Variants in FAM171B observed in about 807,000 individuals in gnomAD.
The protein encoded by FAM171B is protein FAM171B.
A neutral mutation model predicts 75.6 loss-of-function variants in FAM171B; 19 were observed. That is an observed-to-expected ratio of 0.25 (90% CI 0.18 to 0.37). The LOEUF is 0.37. Among genes scored for constraint, FAM171B ranks in the 10% least tolerant of loss-of-function variants. The pLI, the probability that FAM171B is intolerant of heterozygous loss-of-function variation, is 1.00. For synonymous variants in FAM171B, 367 were observed against 361.7 expected (o/e 1.01, Z -0.17); for missense variants, 848 against 982.4 (o/e 0.86, Z 1.83).
intron 1 of FAM171B, among the ~76,000 whole-genome samples, chr2:186,732,154 A>G (rs1690126753): frequency 7.8e-6 from 1 of 127,580 alleles, no homozygotes; most frequent in Non-Finnish European, 1.6e-5. Flanking sequence ...GCACTGATAT[A>G]TCTTACTATT....
At chr2:186,727,894 T>G (rs1690058959) in intron 1 of FAM171B, among the ~76,000 whole-genome samples, 1 of 152,146 alleles carries the variant, frequency 6.6e-6, no homozygotes, top group Admixed American at 6.5e-5. Context: ...TATATAGATA[T>G]AGTTTACAGG....
rs374275210 is a variant in FAM171B, at chr2:186,719,943, G to T, written c.239-20285G>T. On this transcript the variant is annotated intron_variant, in intron 1 of 7. Transcript: ENST00000304698. ...AGAAAATAGTTAATAATAACCCATAGAATTTTCTTAAATAAGAAACAAGAT... is the reference window on the plus strand; with the variant it reads ...AGAAAATAGTTAATAATAACCCATATAATTTTCTTAAATAAGAAACAAGAT... 7.9e-5 allele frequency among the ~76,000 whole-genome samples: 12 copies of T among 152,296 alleles called. No individual in the cohort carries two copies. The East Asian group carries it at 2.3e-3, about 29-fold the overall frequency.
chr2:186,698,368 C>T (rs563179902), intron 1 of FAM171B, among the ~76,000 whole-genome samples: 13 of 152,102 alleles, frequency 8.5e-5, no homozygotes, highest in South Asian at 2.1e-4. Context: ...CTTTTTATTT[C>T]GCAAGATGTT....
intron 1 of FAM171B, among the ~76,000 whole-genome samples, chr2:186,724,195 G>A (rs1250783308): frequency 6.6e-6 from 1 of 152,004 alleles, no homozygotes; most frequent in East Asian, 1.9e-4. Flanking sequence ...CTGGGAATGT[G>A]GCCCTCAGAG....
In FAM171B at chr2:186,740,296, G is replaced by A; in HGVS notation, c.307G>A (p.Val103Ile). The change falls in exon 2 of 8, where the codon GTA becomes ATA. Residue 103 changes from valine to isoleucine, a missense_variant. Val to Ile is a conservative substitution (Grantham distance 29). This residue lies in a region of FAM171B where 665 missense variants were observed against 729.0 expected (regional missense o/e 0.91). Coordinates refer to ENST00000304698, the MANE Select transcript of FAM171B (RefSeq NM_177454.4). Reference protein sequence around the residue: ...ISRQYLSQAVVEVFVNYTKTN... With the variant: ...ISRQYLSQAVIEVFVNYTKTN... Reference sequence around the variant, plus strand: ...TCGTCAGTACCTGAGCCAAGCAGTTGTAGAAGTGTTTGTAAACTACACGAA... The same window carrying A: ...TCGTCAGTACCTGAGCCAAGCAGTTATAGAAGTGTTTGTAAACTACACGAA... The A allele has an allele frequency of 1.9e-6, 3 of 1,614,040 alleles. No homozygotes were observed. The highest frequency in any genetic ancestry group is 1.3e-5 in the African/African-American group (1 of 75,038).
intron 1 of FAM171B, among the ~76,000 whole-genome samples, chr2:186,715,785 G>A (rs182254583): frequency 6.6e-6 from 1 of 152,296 alleles, no homozygotes; most frequent in African/African-American, 2.4e-5. Context: ...GGTGTAGCTA[G>A]TAGAGTTTAA....
chr2:186,750,251 G>T (rs766512952), intron 4 of FAM171B, among the ~76,000 whole-genome samples: 6 of 151,918 alleles, frequency 3.9e-5, no homozygotes, highest in Non-Finnish European at 8.8e-5. Flanking sequence ...ACTTTGTTTG[G>T]CATTGCTAAT....
At chr2:186,714,393 TA>T in intron 1 of FAM171B, among the ~76,000 whole-genome samples, 1 of 152,298 alleles carries the variant, frequency 6.6e-6, no homozygotes, top group East Asian at 1.9e-4. Context: ...TGACTTTTGT[TA>T]AAAGATGAGA....
intron 1 of FAM171B, among the ~76,000 whole-genome samples, chr2:186,720,469 A>G (rs1689936172): frequency 6.6e-6 from 1 of 152,158 alleles, no homozygotes; most frequent in African/African-American, 2.4e-5. Flanking sequence ...GATACAGTCA[A>G]TATTAACAAT....
chr2:186,754,930 TG>T (rs1690510029), intron 6 of FAM171B, among the ~76,000 whole-genome samples: 1 of 152,200 alleles, frequency 6.6e-6, no homozygotes, highest in African/African-American at 2.4e-5. Flanking sequence ...AAAATTGGTC[TG>T]ACATTTTGAA....
rs1414030641 is a variant in FAM171B, at chr2:186,694,371, G to A, written c.198G>A (p.Arg66=). The part of the protein sequence containing the change: ...QKQLEEAEEE[R]TEVPGATSTL... ...AGCTGGAGGAGGCTGAGGAGGAGAGGACAGAGGTGCCTGGGGCAACCTCCA... is the reference window on the plus strand; with the variant it reads ...AGCTGGAGGAGGCTGAGGAGGAGAGAACAGAGGTGCCTGGGGCAACCTCCA... The change falls in exon 1 of 8, where the codon AGG becomes AGA. Residue 66 remains arginine (R), a synonymous_variant. Transcript: ENST00000304698. 4 of 1,612,846 alleles carry A rather than the reference G, an allele frequency of 2.5e-6. No homozygotes were observed. The highest frequency in any genetic ancestry group is 3.4e-6 in the Non-Finnish European group (4 of 1,179,634).
At chr2:186,725,257 T>C (rs1374433822) in intron 1 of FAM171B, among the ~76,000 whole-genome samples, 2 of 149,872 alleles carry the variant, frequency 1.3e-5, no homozygotes, top group Non-Finnish European at 3.0e-5. Flanking sequence ...AGCAGGAGAA[T>C]GGTGTTAACC....
intron 5 of FAM171B, among the ~76,000 whole-genome samples, chr2:186,753,598 A>G (rs964142940): frequency 1.1e-4 from 16 of 152,190 alleles, no homozygotes; most frequent in Admixed American, 3.9e-4. Context: ...TGTTTTTAAT[A>G]GAGACGGGGT....
intron 1 of FAM171B, among the ~76,000 whole-genome samples, chr2:186,702,065 A>G (rs992742293): frequency 6.6e-6 from 1 of 152,208 alleles, no homozygotes; most frequent in Admixed American, 6.5e-5. Flanking sequence ...CATGAAAGCT[A>G]TGTGTGGTCA....
In FAM171B at chr2:186,762,140, G is replaced by A; in HGVS notation, c.1798G>A (p.Ala600Thr). The A allele has an allele frequency of 1.5e-5, 24 of 1,613,678 alleles. No homozygotes were observed. The highest frequency in any genetic ancestry group is 1.9e-5 in the Non-Finnish European group (23 of 1,179,776). Reference protein sequence around the residue: ...PIHSHAQPPDAREEDIILEGQ... With the variant: ...PIHSHAQPPDTREEDIILEGQ... The stretch of plus-strand genomic sequence containing the variant: ...TCATTCTCATGCACAGCCCCCAGAT[G>A]CCAGGGAAGAGGATATCATACTTGA... The change falls in exon 8 of 8, where the codon GCC becomes ACC. Residue 600 changes from alanine (A) to threonine (T), a missense_variant. Ala to Thr is a moderately conservative substitution (Grantham distance 58, BLOSUM62 0). Coordinates refer to ENST00000304698, the MANE Select transcript of FAM171B (RefSeq NM_177454.4). The surrounding 1 kb of genome is among the most constrained non-coding windows in gnomAD (Gnocchi z 4.0).
chr2:186,738,611 C>T (rs1574107647), intron 1 of FAM171B, among the ~76,000 whole-genome samples: 1 of 152,084 alleles, frequency 6.6e-6, no homozygotes, highest in South Asian at 2.1e-4. Context: ...ACTGGCAGTT[C>T]AGTTTTTAGG....
At chr2:186,698,539 A>G (rs935951203) in intron 1 of FAM171B, among the ~76,000 whole-genome samples, 1 of 152,122 alleles carries the variant, frequency 6.6e-6, no homozygotes, top group Non-Finnish European at 1.5e-5. Flanking sequence ...GGAACACAGT[A>G]GGTGTATATA....
intron 5 of FAM171B, among the ~76,000 whole-genome samples, chr2:186,752,081 C>A (rs1017394970): frequency 6.6e-6 from 1 of 152,130 alleles, no homozygotes; most frequent in Non-Finnish European, 1.5e-5. Flanking sequence ...GGTGCTCTAA[C>A]GTTATACTTT....
At chr2:186,745,339 A>G (rs1276405069) in intron 3 of FAM171B, among the ~76,000 whole-genome samples, 1 of 152,160 alleles carries the variant, frequency 6.6e-6, no homozygotes, top group East Asian at 1.9e-4. Context: ...CCCATTAACA[A>G]TCATAGTTTC....
Sources: allele counts gnomAD v4.1 joint callset (sites outside exome capture counted in the v4.1 genomes callset), GRCh38; gene constraint gnomAD v4.1.1; regional missense constraint gnomAD v4.1.1; non-coding constraint Gnocchi (gnomAD v3.1); transcripts MANE v1.5; gene names NCBI Gene and HGNC (gene_info 2026-07-23, HGNC 2026-07-21).